SVOPL: variants seen among roughly 807,000 people sequenced by gnomAD.
SVOPL encodes the protein putative transporter SVOPL.
In SVOPL, 60 loss-of-function variants were observed where a neutral mutation model predicts 61.0. The ratio of observed to expected loss-of-function variants is 0.98; its 90% CI spans 0.80 to 1.22. SVOPL has a LOEUF of 1.22. Among genes scored for constraint, SVOPL ranks in the 50% most tolerant of loss-of-function variants. SVOPL has a pLI of 0.00. For synonymous variants in SVOPL, 279 were observed against 250.0 expected (o/e 1.12, Z -1.09); for missense variants, 662 against 643.9 (o/e 1.03, Z -0.30).
chr7:138,630,135 A>G lies in SVOPL; in HGVS notation c.790-13T>C. 6.2e-7 allele frequency: 1 copy of G among 1,605,118 alleles called. No homozygotes were observed. Among genetic ancestry groups the G allele is most frequent in the South Asian group, 1.1e-5 (1 of 90,870 alleles). ...TTCCTCTTTTTTCCTGGGGTAATGA[A>G]AAGGAGACAGAACATACTCAGCAGC... On this transcript the variant is annotated splice_polypyrimidine_tract_variant and intron_variant, in intron 9 of 15. Transcript: ENST00000674285.
At chr7:138,617,060 C>T (rs1240029413) in intron 14 of SVOPL, among the ~76,000 whole-genome samples, 3 of 152,228 alleles carry the variant, frequency 2.0e-5, no homozygotes, top group Non-Finnish European at 4.4e-5. Context: ...CCTCCATCTC[C>T]CAGGTTCAAG....
intron 7 of SVOPL, among the ~76,000 whole-genome samples, chr7:138,650,361 C>T (rs1382236346): frequency 1.3e-5 from 2 of 151,906 alleles, no homozygotes; most frequent in African/African-American, 2.4e-5. Flanking sequence ...AAAGTGTTTG[C>T]TATTAACTGA....
At chr7:138,670,925 T>A (rs1273443686) in intron 4 of SVOPL, among the ~76,000 whole-genome samples, 1 of 152,192 alleles carries the variant, frequency 6.6e-6, no homozygotes, top group Non-Finnish European at 1.5e-5. Context: ...CTTTTAAGAT[T>A]AAAAATAAAT....
At chr7:138,667,063 A>G (rs1342792468) in intron 4 of SVOPL, among the ~76,000 whole-genome samples, 1 of 152,224 alleles carries the variant, frequency 6.6e-6, no homozygotes, top group Non-Finnish European at 1.5e-5. Flanking sequence ...AACGCAAAAA[A>G]GGAACCAGGG....
At chr7:138,641,833 T>TC (rs1554464903) in intron 9 of SVOPL, among the ~76,000 whole-genome samples, 2 of 37,222 alleles carry the variant, frequency 5.4e-5, no homozygotes, top group Non-Finnish European at 1.4e-4. Flanking sequence ...TATATATATA[T>TC]AACATATATA....
chr7:138,620,909 C>G, intron 14 of SVOPL, 137 bp downstream of exon 14: 1 of 788,264 alleles, frequency 1.3e-6, no homozygotes, highest in Non-Finnish European at 2.1e-6. Flanking sequence ...ATCCACCAAA[C>G]AGCAGGGAAA....
chr7:138,661,350 G>A (rs930353985), intron 5 of SVOPL: 10 of 985,260 alleles, frequency 1.0e-5, no homozygotes, highest in Non-Finnish European at 1.2e-5. Context: ...ACCTGCAAAT[G>A]TCCACACTCT....
At chr7:138,689,815 C>T (rs1435807107) in intron 1 of SVOPL, among the ~76,000 whole-genome samples, 2 of 147,188 alleles carry the variant, frequency 1.4e-5, no homozygotes, top group African/African-American at 5.2e-5. Context: ...TGAGATCATG[C>T]CACTGCACTC....
At chr7:138,677,911 A>C (rs1485057987) in intron 3 of SVOPL, among the ~76,000 whole-genome samples, 1 of 151,986 alleles carries the variant, frequency 6.6e-6, no homozygotes, top group Non-Finnish European at 1.5e-5. Context: ...TACAGGCACC[A>C]GCCACCAAGC....
intron 14 of SVOPL, among the ~76,000 whole-genome samples, chr7:138,611,838 C>T (rs1205539526): frequency 5.9e-5 from 4 of 67,600 alleles, no homozygotes; most frequent in East Asian, 5.2e-4. Context: ...CCTGCCTTGG[C>T]CTCCCAAAGT....
chr7:138,693,572 A>AGAAAGAAG (rs1802997923), intron 1 of SVOPL, among the ~76,000 whole-genome samples: 1 of 125,444 alleles, frequency 8.0e-6, no homozygotes, highest in African/African-American at 3.0e-5. Context: ...AAAGAAAGAA[A>AGAAAGAAG]GAAAAAAGGA....
At chr7:138,622,286 C>CTATGTATCTATG (rs1799698505) in intron 13 of SVOPL, among the ~76,000 whole-genome samples, 1 of 120,822 alleles carries the variant, frequency 8.3e-6, no homozygotes, top group African/African-American at 2.8e-5. Context: ...ATCTATCTAT[C>CTATGTATCTATG]TATCTATCTA....
intron 1 of SVOPL, among the ~76,000 whole-genome samples, chr7:138,688,031 G>A (rs756226311): frequency 4.7e-4 from 71 of 152,040 alleles, no homozygotes; most frequent in Non-Finnish European, 9.4e-4. Context: ...TCGATCTCTT[G>A]ACCTCGTGAT....
At chr7:138,689,569 A>T (rs1452519114) in intron 1 of SVOPL, 2 of 491,106 alleles carry the variant, frequency 4.1e-6, no homozygotes, top group Non-Finnish European at 7.2e-6. Context: ...AAAAAGAAAA[A>T]AAAAAAAGGG....
At chr7:138,594,806 C>T (rs947420939) in intron 15 of SVOPL, among the ~76,000 whole-genome samples, 185 bp from the exon 16 acceptor site, 1 of 151,910 alleles carries the variant, frequency 6.6e-6, no homozygotes, top group African/African-American at 2.4e-5. Context: ...TAATATAATG[C>T]AGATGTCATT....
At chr7:138,698,734 A>T (rs539894327) in intron 1 of SVOPL, among the ~76,000 whole-genome samples, 1 of 152,342 alleles carries the variant, frequency 6.6e-6, no homozygotes, top group South Asian at 2.1e-4. Flanking sequence ...TTTATAAAAT[A>T]TGTCAATGTG....
intron 4 of SVOPL, among the ~76,000 whole-genome samples, chr7:138,665,985 G>A (rs1802247187): frequency 6.6e-6 from 1 of 152,210 alleles, no homozygotes; most frequent in African/African-American, 2.4e-5. Context: ...AGGCCAGCCT[G>A]AGCAACAGAG....
At chr7:138,659,354 A>G (rs1584848612) in intron 6 of SVOPL, among the ~76,000 whole-genome samples, 1 of 152,132 alleles carries the variant, frequency 6.6e-6, no homozygotes. Context: ...TTAGCCGGGC[A>G]TGATGGCAGG....
At chr7:138,689,127 G>T in intron 1 of SVOPL, 1 of 841,134 alleles carries the variant, frequency 1.2e-6, no homozygotes, top group South Asian at 1.3e-5. Flanking sequence ...GTATCTGAAA[G>T]ATGTCACTTT....
Sources: gnomAD v4.1 joint callset for allele counts (sites outside exome capture counted in the v4.1 genomes callset) on GRCh38, gnomAD v4.1.1 for gene constraint, MANE v1.5 for transcripts, NCBI Gene and HGNC (gene_info 2026-07-23, HGNC 2026-07-21) for gene names.